Variants in TRIP12 observed in about 807,000 individuals in gnomAD.
TRIP12 encodes the protein E3 ubiquitin-protein ligase TRIP12.
In TRIP12, 25 loss-of-function variants were observed where a neutral mutation model predicts 244.2. The observed-to-expected ratio is 0.10, with a 90% CI of 0.07 to 0.14. The LOEUF (loss-of-function observed/expected upper bound fraction) is 0.14. Ranked by LOEUF, TRIP12 falls within the 10% of genes least tolerant of loss-of-function variation. TRIP12 has a pLI of 1.00. For synonymous variants in TRIP12, 905 were observed against 873.1 expected (o/e 1.04, Z -0.64); for missense variants, 1,677 against 2,486.4 (o/e 0.67, Z 6.92).
At chr2:229,811,288 C>A in intron 13 of TRIP12, 84 bp from the exon 14 acceptor site, 1 of 1,377,744 alleles carries the variant, frequency 7.3e-7, no homozygotes. Context: ...TTCCTCCTAA[C>A]CCCAGATTCT....
At chr2:229,862,125 C>T (rs543675298) in intron 2 of TRIP12, among the ~76,000 whole-genome samples, 3 of 152,206 alleles carry the variant, frequency 2.0e-5, no homozygotes, top group South Asian at 2.1e-4. Flanking sequence ...GACACTATCT[C>T]GGCTCACTGC....
intron 34 of TRIP12, among the ~76,000 whole-genome samples, chr2:229,782,794 T>C (rs534769532): frequency 2.0e-5 from 3 of 152,322 alleles, no homozygotes; most frequent in Admixed American, 6.5e-5. Context: ...AGCCAGTTCA[T>C]GTACTCAGTT....
intron 2 of TRIP12, among the ~76,000 whole-genome samples, chr2:229,866,149 G>A (rs2061477798): frequency 6.6e-6 from 1 of 152,150 alleles, no homozygotes; most frequent in Non-Finnish European, 1.5e-5. Context: ...CTGACAGTGT[G>A]GCAGTGACAT....
At chr2:229,829,621 C>T (rs2052745253) in intron 7 of TRIP12, among the ~76,000 whole-genome samples, 1 of 152,152 alleles carries the variant, frequency 6.6e-6, no homozygotes, top group Non-Finnish European at 1.5e-5. Flanking sequence ...CATATGAAAA[C>T]AGTATGATTT....
chr2:229,777,311 C>T lies in TRIP12; in HGVS notation c.5529+4G>A. The T allele has an allele frequency of 6.2e-7, 1 of 1,611,790 alleles. No individual in the cohort carries two copies. Among genetic ancestry groups the T allele is most frequent in the African/African-American group, 1.3e-5 (1 of 74,980 alleles). On this transcript the variant is annotated splice_donor_region_variant and intron_variant, in intron 37 of 41. Coordinates refer to ENST00000675903, the MANE Select transcript of TRIP12 (RefSeq NM_001348323.3). ...ATCTACTGGACTGTTTCTTCTAAGC[C>T]TACCTGGGATTTATCTTGTTCAAGT...
At chr2:229,829,727 T>A (rs1327014632) in intron 7 of TRIP12, among the ~76,000 whole-genome samples, 6 of 152,074 alleles carry the variant, frequency 3.9e-5, no homozygotes, top group African/African-American at 1.4e-4. Context: ...GACGGGAGGA[T>A]CACCTGAGGT....
At chr2:229,893,835 G>A (rs777400312) in intron 1 of TRIP12, among the ~76,000 whole-genome samples, 19 of 152,192 alleles carry the variant, frequency 1.2e-4, no homozygotes, top group Non-Finnish European at 2.1e-4. Flanking sequence ...CTCCTGAGTA[G>A]CTGTGAGTAT....
At chr2:229,910,439 TG>T (rs1311309475) in intron 1 of TRIP12, among the ~76,000 whole-genome samples, 1 of 152,204 alleles carries the variant, frequency 6.6e-6, no homozygotes. Flanking sequence ...AAAGAAACTC[TG>T]GTATTCCAGC....
chr2:229,784,384 T>C (rs1219583255), intron 34 of TRIP12, among the ~76,000 whole-genome samples: 8 of 149,940 alleles, frequency 5.3e-5, no homozygotes, highest in Admixed American at 4.0e-4. Flanking sequence ...TATATATATA[T>C]ATAAATTAAC....
intron 1 of TRIP12, among the ~76,000 whole-genome samples, chr2:229,896,100 C>T (rs771521903): frequency 1.3e-5 from 2 of 151,908 alleles, no homozygotes; most frequent in Non-Finnish European, 2.9e-5. Context: ...AAAGAAGTGG[C>T]CCAGGAAAAA....
intron 4 of TRIP12, among the ~76,000 whole-genome samples, chr2:229,849,352 T>C (rs936686590): frequency 2.0e-5 from 3 of 152,112 alleles, no homozygotes; most frequent in Non-Finnish European, 4.4e-5. Flanking sequence ...ACAGGAAGTA[T>C]GTAACAGTAT....
At chr2:229,909,662 T>A (rs1376792509) in intron 1 of TRIP12, among the ~76,000 whole-genome samples, 2 of 150,758 alleles carry the variant, frequency 1.3e-5, no homozygotes, top group African/African-American at 4.9e-5. Flanking sequence ...AGGACCAGCC[T>A]GGGCAACCAA....
intron 32 of TRIP12, 32 bp from the exon 33 acceptor site, chr2:229,787,693 T>A (rs771438504): frequency 4.0e-6 from 6 of 1,514,154 alleles, no homozygotes; most frequent in Non-Finnish European, 5.3e-6. Context: ...GTTTATTATC[T>A]GGATGAGAAT....
rs1039704093 is a variant in TRIP12, at chr2:229,765,814, C to G, written c.*1740G>C. On this transcript the variant is annotated 3_prime_UTR_variant, in exon 42 of 42. Transcript: ENST00000675903. The stretch of plus-strand genomic sequence containing the variant: ...GTGAAAACTGCAGAAACACAATTCC[C>G]TTCTTGGATTTCAGGGAAAAGCCAT... 9.9e-5 allele frequency: 15 copies of G among 152,154 alleles called. No homozygotes were observed. Among genetic ancestry groups the G allele is most frequent in the Non-Finnish European group, 2.1e-4 (14 of 68,026 alleles). 9.4% of individuals were successfully genotyped at this position (152,154 alleles called of 1,614,324 possible). A position where few individuals can be genotyped will look rare whatever the true frequency, so the allele number is the denominator to read the frequency against.
chr2:229,867,131 T>C (rs554864701), intron 2 of TRIP12, among the ~76,000 whole-genome samples: 1 of 148,182 alleles, frequency 6.7e-6, no homozygotes, highest in African/African-American at 2.5e-5. Flanking sequence ...AAGTGTAGGC[T>C]ATGGTCAGAC....
At chr2:229,782,667 CAAG>C (rs1375486665) in intron 34 of TRIP12, among the ~76,000 whole-genome samples, 1 of 151,986 alleles carries the variant, frequency 6.6e-6, no homozygotes, top group Non-Finnish European at 1.5e-5. Flanking sequence ...TAAAAGTCAT[CAAG>C]AAGGAGAAAA....
intron 26 of TRIP12, among the ~76,000 whole-genome samples, chr2:229,794,609 T>C (rs540483873): frequency 6.2e-4 from 94 of 152,076 alleles, no homozygotes; most frequent in Non-Finnish European, 1.0e-3. Context: ...ACCAAACAAA[T>C]TTCCTATTTT....
At chr2:229,807,987 A>G in intron 16 of TRIP12, 123 bp from the exon 17 acceptor site, 1 of 1,045,976 alleles carries the variant, frequency 9.6e-7, no homozygotes, top group South Asian at 1.7e-5. Flanking sequence ...TTTTTTGGAG[A>G]CAGAGTCTCA....
At chr2:229,868,576 A>C (rs1383173419) in intron 2 of TRIP12, among the ~76,000 whole-genome samples, 3 of 152,202 alleles carry the variant, frequency 2.0e-5, no homozygotes, top group Admixed American at 6.5e-5. Context: ...TTTGCATCAC[A>C]TCATGTCTCC....
Sources: allele counts gnomAD v4.1 joint callset (sites outside exome capture counted in the v4.1 genomes callset), GRCh38; gene constraint gnomAD v4.1.1; transcripts MANE v1.5; gene names NCBI Gene and HGNC (gene_info 2026-07-23, HGNC 2026-07-21).